CTNNA2: variants seen among roughly 807,000 people sequenced by gnomAD.
CTNNA2 encodes catenin alpha 2.
A neutral mutation model predicts 101.0 loss-of-function variants in CTNNA2; 42 were observed. The ratio of observed to expected loss-of-function variants is 0.42; its 90% CI spans 0.32 to 0.54. The LOEUF (loss-of-function observed/expected upper bound fraction) is 0.54. Among genes scored for constraint, CTNNA2 ranks in the 20% least tolerant of loss-of-function variants. The pLI is 0.14. For missense variants in CTNNA2, 871 were observed against 1,223.1 expected, an observed-to-expected ratio of 0.71 and a Z score of 4.29; for synonymous variants, 450 against 456.4, an observed-to-expected ratio of 0.99 and a Z score of 0.18.
At chr2:79,418,356 G>A (rs1269713280) in intron 4 of CTNNA2, among the ~76,000 whole-genome samples, 3 of 152,072 alleles carry the variant, frequency 2.0e-5, no homozygotes, top group African/African-American at 7.2e-5. Context: ...GTGGTTGGTT[G>A]AGTTTTGGGG....
chr2:80,127,168 G>A (rs7605433), intron 7 of CTNNA2, among the ~76,000 whole-genome samples: 4,372 of 152,292 alleles, frequency 0.029, 173 homozygotes, highest in East Asian at 0.099. Flanking sequence ...GAACAGAAGT[G>A]TCTGTCCCCA....
intron 2 of CTNNA2, among the ~76,000 whole-genome samples, chr2:79,669,478 G>A (rs555283623): frequency 2.0e-5 from 3 of 152,282 alleles, no homozygotes; most frequent in East Asian, 1.9e-4. Context: ...AATGAGGTGC[G>A]CAGACAATTG....
intron 1 of CTNNA2, among the ~76,000 whole-genome samples, chr2:79,549,188 T>C (rs890102490): frequency 6.6e-6 from 1 of 152,180 alleles, no homozygotes; most frequent in African/African-American, 2.4e-5. Context: ...AAAAAAGATA[T>C]AGGGATTGGA....
At chr2:80,556,800 A>G (rs1693077851) in intron 12 of CTNNA2, among the ~76,000 whole-genome samples, 1 of 152,200 alleles carries the variant, frequency 6.6e-6, no homozygotes, top group Non-Finnish European at 1.5e-5. Flanking sequence ...AAGGTTGTTA[A>G]TGAATAATGA....
At chr2:80,446,581 T>C (rs1015525312) in intron 9 of CTNNA2, among the ~76,000 whole-genome samples, 2 of 152,194 alleles carry the variant, frequency 1.3e-5, no homozygotes, top group Non-Finnish European at 2.9e-5. Context: ...TTTGATATCC[T>C]TGGAAGCTTT....
chr2:79,864,787 C>A lies in CTNNA2; in HGVS notation c.466-5029C>A, dbSNP rs188343929. On this transcript the variant is annotated intron_variant, in intron 4 of 18. Transcript: ENST00000402739. ...CAGAAATTGAGTATGGGCTCTGGAG[C>A]AAACTACCTGGGCTCAAATCCAGGC... Among the ~76,000 whole-genome samples the A allele has an allele frequency of 3.1e-3, 477 of 152,250 alleles. 4 individuals carry two copies. The highest frequency in any genetic ancestry group is 3.8e-3 in the Non-Finnish European group (258 of 68,018).
chr2:79,810,372 C>T (rs1676916279), intron 3 of CTNNA2, among the ~76,000 whole-genome samples: 1 of 151,970 alleles, frequency 6.6e-6, no homozygotes, highest in African/African-American at 2.4e-5. Flanking sequence ...TTGACTACTA[C>T]TAGGAGAACA....
At chr2:79,427,800 G>A (rs1476089150) in intron 4 of CTNNA2, among the ~76,000 whole-genome samples, 1 of 151,788 alleles carries the variant, frequency 6.6e-6, no homozygotes, top group Non-Finnish European at 1.5e-5. Flanking sequence ...TTTTTACCAG[G>A]TCTCCAAATG....
intron 15 of CTNNA2, among the ~76,000 whole-genome samples, chr2:80,593,106 C>CAGG: frequency 6.6e-6 from 1 of 152,048 alleles, no homozygotes; most frequent in East Asian, 1.9e-4. Context: ...AAACATACTC[C>CAGG]AGATGGGACA....
chr2:80,219,962 A>G (rs1455126605), intron 7 of CTNNA2, among the ~76,000 whole-genome samples: 4 of 152,196 alleles, frequency 2.6e-5, no homozygotes. Context: ...CCCTCACAGT[A>G]CATTAAATTG....
chr2:80,017,135 C>T (rs1401456992), intron 7 of CTNNA2, among the ~76,000 whole-genome samples: 1 of 152,110 alleles, frequency 6.6e-6, no homozygotes, highest in Non-Finnish European at 1.5e-5. Context: ...TTCCAGCCCC[C>T]AAAATGCACA....
chr2:79,314,509 G>A (rs544011977), intron 3 of CTNNA2, among the ~76,000 whole-genome samples: 7 of 152,334 alleles, frequency 4.6e-5, no homozygotes, highest in Admixed American at 2.0e-4. Flanking sequence ...GCAGTGCACC[G>A]TTATATTGAG....
At chr2:80,199,503 C>T (rs1707068189) in intron 7 of CTNNA2, among the ~76,000 whole-genome samples, 2 of 152,158 alleles carry the variant, frequency 1.3e-5, no homozygotes, top group Non-Finnish European at 2.9e-5. Flanking sequence ...GGGTAGTAAC[C>T]TGTTAATAAG....
intron 7 of CTNNA2, among the ~76,000 whole-genome samples, chr2:80,191,234 G>T (rs192750637): frequency 1.2e-3 from 190 of 152,250 alleles, no homozygotes; most frequent in Non-Finnish European, 2.1e-3. Flanking sequence ...AATAGTAGGA[G>T]ATATGAAACT....
At chr2:79,642,564 A>G (rs1680518365) in intron 1 of CTNNA2, among the ~76,000 whole-genome samples, 1 of 152,134 alleles carries the variant, frequency 6.6e-6, no homozygotes. Flanking sequence ...AGCAGAGTTA[A>G]TGGAGGAAGA....
rs1193580998 is a variant in CTNNA2, at chr2:80,302,324, C to G, written c.1057-90887C>G. 2.5e-6 allele frequency: 4 copies of G among 1,614,198 alleles called. No individual in the cohort carries two copies. Among genetic ancestry groups the G allele is most frequent in the Non-Finnish European group, 3.4e-6 (4 of 1,180,032 alleles). On this transcript the variant is annotated intron_variant, in intron 7 of 18. Coordinates refer to ENST00000402739, the MANE Select transcript of CTNNA2 (RefSeq NM_001282597.3). This position sits in a 1 kb window ranked among gnomAD's most constrained non-coding sequence, Gnocchi z 6.4. ...ATACTCGTTGATGATCACCAGGGCT[C>G]CCTCAATGTGGTTCGGTTTGTAATC...
At chr2:79,689,083 C>T (rs899066748) in intron 2 of CTNNA2, among the ~76,000 whole-genome samples, 1 of 151,252 alleles carries the variant, frequency 6.6e-6, no homozygotes, top group African/African-American at 2.4e-5. Flanking sequence ...AAGACATCAT[C>T]CCAAATACAA....
At chr2:79,482,492 G>A (rs972980293) in intron 4 of CTNNA2, among the ~76,000 whole-genome samples, 13 of 152,138 alleles carry the variant, frequency 8.5e-5, no homozygotes, top group Non-Finnish European at 1.5e-4. Flanking sequence ...TGGCAGCGCA[G>A]CTATTCTGGT....
intron 2 of CTNNA2, among the ~76,000 whole-genome samples, chr2:79,277,575 G>T (rs1031950598): frequency 6.6e-6 from 1 of 152,030 alleles, no homozygotes; most frequent in Non-Finnish European, 1.5e-5. Flanking sequence ...ATGTGCCTAT[G>T]TTATGCTATT....
Sources: gnomAD v4.1 joint callset for allele counts (sites outside exome capture counted in the v4.1 genomes callset) on GRCh38, gnomAD v4.1.1 for gene constraint, Gnocchi (gnomAD v3.1) non-coding constraint, MANE v1.5 for transcripts, NCBI Gene and HGNC (gene_info 2026-07-23, HGNC 2026-07-21) for gene names.